CNBD2: variants seen among roughly 807,000 people sequenced by gnomAD.
CNBD2 encodes the protein cyclic nucleotide-binding domain-containing protein 2.
In CNBD2, 64 loss-of-function variants were observed where a neutral mutation model predicts 63.7. That is an observed-to-expected ratio of 1.00 (90% CI 0.82 to 1.24). The LOEUF is 1.24. CNBD2 is among the 50% of genes most tolerant of loss of function. CNBD2 has a pLI of 0.00. For missense variants in CNBD2, 691 were observed against 713.5 expected (o/e 0.97, Z 0.36); for synonymous variants, 229 against 255.4 (o/e 0.90, Z 0.99).
intron 8 of CNBD2, among the ~76,000 whole-genome samples, chr20:35,997,411 C>T (rs559916709): frequency 5.3e-5 from 8 of 152,272 alleles, no homozygotes; most frequent in African/African-American, 1.9e-4. Flanking sequence ...GTTTGAGTCC[C>T]ATTTATTAGC....
At chr20:35,990,998 T>C (rs1354120124) in intron 7 of CNBD2, among the ~76,000 whole-genome samples, 2 of 152,186 alleles carry the variant, frequency 1.3e-5, no homozygotes, top group African/African-American at 4.8e-5. Context: ...AGTTATACCA[T>C]TGAACAAATG....
chr20:35,961,476 C>T (rs552628738), intron 2 of CNBD2, among the ~76,000 whole-genome samples: 122 of 152,208 alleles, frequency 8.0e-4, no homozygotes, highest in African/African-American at 2.7e-3. Context: ...ATTCATTAAG[C>T]CCTTTGACTT....
chr20:35,994,340 C>T (rs1021690863), intron 7 of CNBD2, among the ~76,000 whole-genome samples: 4 of 151,934 alleles, frequency 2.6e-5, no homozygotes, highest in African/African-American at 4.8e-5. Flanking sequence ...GCTAGGATTA[C>T]AGGCGTGAGC....
Position 36,008,340 on chromosome 20 carries a change from A to G in CNBD2, c.1014A>G (p.Ser338=). ...GATTTAAGGAATTCCAGATCAAATC[A>G]TATCCTCTGCAAGACTTTAGCTCCT... The part of the protein sequence containing the change: ...MERFKEFQIK[S]YPLQDFSSLK... The change falls in exon 9 of 12, where the codon TCA becomes TCG. Residue 338 remains serine (S), a synonymous_variant. Transcript: ENST00000373973. The G allele has an allele frequency of 1.2e-6, 2 of 1,613,874 alleles. No individual in the cohort carries two copies. The highest frequency in any genetic ancestry group is 2.2e-5 in the East Asian group (1 of 44,862).
At chr20:35,984,558 A>T in intron 5 of CNBD2, 69 bp from the exon 6 acceptor site, 2 of 1,522,536 alleles carry the variant, frequency 1.3e-6, no homozygotes, top group South Asian at 1.2e-5. Context: ...GGCACGGAAG[A>T]TGTGTGTAAG....
chr20:36,019,070 G>T (rs755658113), intron 10 of CNBD2, among the ~76,000 whole-genome samples: 1 of 152,158 alleles, frequency 6.6e-6, no homozygotes, highest in Non-Finnish European at 1.5e-5. Context: ...ATCTAGTCAG[G>T]ACAGACAACA....
At chr20:35,956,086 C>T (rs1398631634), downstream of CNBD2, among the ~76,000 whole-genome samples, 1 of 152,196 alleles carries the variant, frequency 6.6e-6, no homozygotes, top group South Asian at 2.1e-4. Flanking sequence ...ACAGGGGCCT[C>T]ATATGAAAGG....
intron 1 of CNBD2, 139 bp from the exon 2 acceptor site, chr20:35,972,490 G>A: frequency 1.3e-6 from 1 of 760,338 alleles, no homozygotes; most frequent in Non-Finnish European, 2.1e-6. Context: ...TCCTGAAAAT[G>A]TAACCATCAC....
At chr20:36,007,553 T>A (rs2057002019) in intron 8 of CNBD2, among the ~76,000 whole-genome samples, 1 of 152,248 alleles carries the variant, frequency 6.6e-6, no homozygotes, top group Non-Finnish European at 1.5e-5. Context: ...TGAGGCAAAG[T>A]CTTACTGTTG....
At chr20:36,001,575 G>T in intron 8 of CNBD2, among the ~76,000 whole-genome samples, 1 of 151,586 alleles carries the variant, frequency 6.6e-6, no homozygotes, top group East Asian at 2.0e-4. Flanking sequence ...TGGCTGCCGG[G>T]CGGAGGGGCT....
chr20:36,026,126 C>T (rs981372147), intron 11 of CNBD2, among the ~76,000 whole-genome samples: 2 of 151,938 alleles, frequency 1.3e-5, no homozygotes, highest in African/African-American at 4.8e-5. Flanking sequence ...CTCTGCCTCC[C>T]GGGCTCAAGT....
chr20:36,001,678 G>C (rs1465570764), intron 8 of CNBD2, among the ~76,000 whole-genome samples: 66 of 151,706 alleles, frequency 4.4e-4, no homozygotes, highest in African/African-American at 1.6e-3. Flanking sequence ...TCACTTCTCA[G>C]ACGGGGCGGC....
chr20:35,981,828 T>C (rs753785470), intron 4 of CNBD2, among the ~76,000 whole-genome samples: 6 of 152,186 alleles, frequency 3.9e-5, no homozygotes, highest in Non-Finnish European at 7.3e-5. Flanking sequence ...TGGGCAGTAC[T>C]GACTCCAGCC....
intron 3 of CNBD2, among the ~76,000 whole-genome samples, chr20:35,979,163 G>A (rs1300294600): frequency 6.6e-6 from 1 of 152,084 alleles, no homozygotes; most frequent in East Asian, 1.9e-4. Flanking sequence ...AGAAGCAGAC[G>A]GGCCAAGTCT....
intron 7 of CNBD2, among the ~76,000 whole-genome samples, chr20:35,988,857 C>T (rs753224942): frequency 6.6e-6 from 1 of 152,080 alleles, no homozygotes; most frequent in Non-Finnish European, 1.5e-5. Context: ...TTTAATAGGT[C>T]GCAATTGCTG....
At position 35,984,766 on chromosome 20, in the gene CNBD2, T is replaced by C. The variant is rs1178958692; in HGVS notation, c.704T>C (p.Phe235Ser). 5.6e-6 allele frequency: 9 copies of C among 1,614,166 alleles called. No homozygotes were observed. The highest frequency in any genetic ancestry group is 7.6e-6 in the Non-Finnish European group (9 of 1,180,022). ...GTTCAGAAGGATGCTCAGTATCGGT[T>C]TGAATTTTTTAGGTAACTCTGCCTT... ...QEVQKDAQYR[F>S]EFFRKMELFA... The change falls in exon 6 of 12, where the codon TTT (phenylalanine) becomes TCT (serine). Residue 235 changes from phenylalanine (F) to serine (S), a missense_variant. By Grantham distance (155) the Phe-to-Ser change is radical (BLOSUM62 -2). Transcript: ENST00000373973.
Position 36,023,661 on chromosome 20 carries a change from G to T in CNBD2, c.1329G>T (p.Met443Ile). Residue 443 changes from methionine (M) to isoleucine (I), a missense_variant, in exon 11 of 12, where the codon ATG becomes ATT. Transcript: ENST00000373973. ...GCGACACACGACCCTTGATCCTGAT[G>T]AGCCTGGGAAATGAGTTGATACGGA... ...GECDTRPLIL[M>I]SLGNELIRIR... 3 of 1,613,994 alleles carry T rather than the reference G, an allele frequency of 1.9e-6. No individual in the cohort carries two copies. The highest frequency in any genetic ancestry group is 1.1e-5 in the South Asian group (1 of 91,040).
intron 8 of CNBD2, among the ~76,000 whole-genome samples, chr20:36,001,801 C>T (rs1238469337): frequency 1.4e-3 from 210 of 150,324 alleles, no homozygotes; most frequent in African/African-American, 4.6e-3. Context: ...AGACGATGGG[C>T]GGCCGGGCAG....
At chr20:35,969,297 T>C (rs929616415) in intron 1 of CNBD2, among the ~76,000 whole-genome samples, 1 of 152,230 alleles carries the variant, frequency 6.6e-6, no homozygotes, top group Non-Finnish European at 1.5e-5. Flanking sequence ...CATATCAGAA[T>C]AGTGCTTTGG....
Sources: allele counts gnomAD v4.1 joint callset (sites outside exome capture counted in the v4.1 genomes callset), GRCh38; gene constraint gnomAD v4.1.1; transcripts MANE v1.5; gene names NCBI Gene and HGNC (gene_info 2026-07-23, HGNC 2026-07-21).